PTPN14: variants seen among roughly 807,000 people sequenced by gnomAD.
PTPN14 encodes protein tyrosine phosphatase non-receptor type 14.
PTPN14 carries 53 observed loss-of-function variants against 126.8 expected under a neutral mutation model. The observed-to-expected ratio is 0.42, with a 90% CI of 0.34 to 0.53. The LOEUF is 0.53. PTPN14 is among the 20% of genes least tolerant of loss of function. The probability of loss-of-function intolerance (pLI) is 0.08; values close to 1 mark genes in which losing one functional copy is unlikely to be tolerated. For missense variants in PTPN14, 1,257 were observed against 1,552.9 expected (o/e 0.81, Z 3.20); for synonymous variants, 630 against 599.3 (o/e 1.05, Z -0.75).
intron 1 of PTPN14, among the ~76,000 whole-genome samples, chr1:214,526,243 G>C (rs1414988000): frequency 1.3e-5 from 2 of 152,164 alleles, no homozygotes; most frequent in Non-Finnish European, 2.9e-5. Context: ...TGGGATTACA[G>C]GCGTGAGCCA....
At chr1:214,532,289 T>C in intron 1 of PTPN14, 1 of 478,596 alleles carries the variant, frequency 2.1e-6, no homozygotes, top group Non-Finnish European at 3.9e-6. Context: ...CCAGAGCCTA[T>C]GCACGTGCCA....
At chr1:214,460,953 C>G (rs1660496835) in intron 2 of PTPN14, among the ~76,000 whole-genome samples, 1 of 151,904 alleles carries the variant, frequency 6.6e-6, no homozygotes, top group African/African-American at 2.4e-5. Context: ...ACTCCGGACT[C>G]TGCATGATAA....
At chr1:214,496,630 C>G (rs888862658) in intron 1 of PTPN14, among the ~76,000 whole-genome samples, 2 of 152,152 alleles carry the variant, frequency 1.3e-5, no homozygotes, top group Non-Finnish European at 2.9e-5. Flanking sequence ...TTAAACACTC[C>G]TTACCCCCTA....
At chr1:214,397,543 A>C (rs1658908806) in intron 8 of PTPN14, among the ~76,000 whole-genome samples, 1 of 152,236 alleles carries the variant, frequency 6.6e-6, no homozygotes. Context: ...AAAACTAATC[A>C]CCTTTTGTTC....
intron 6 of PTPN14, among the ~76,000 whole-genome samples, chr1:214,401,999 A>C (rs1359957322): frequency 6.6e-6 from 1 of 152,198 alleles, no homozygotes; most frequent in African/African-American, 2.4e-5. Flanking sequence ...GTATTTAATT[A>C]AGAGCCACAG....
intron 1 of PTPN14, among the ~76,000 whole-genome samples, chr1:214,520,065 A>AAAAAAAAAAAAAAAAT: frequency 1.3e-4 from 9 of 71,102 alleles, no homozygotes; most frequent in Admixed American, 3.2e-4. Context: ...AAAAAAAAAA[A>AAAAAAAAAAAAAAAAT]ATATATATAT....
chr1:214,492,978 T>C (rs1469092285), intron 1 of PTPN14, among the ~76,000 whole-genome samples: 1 of 151,880 alleles, frequency 6.6e-6, no homozygotes. Context: ...AAGGTGCCAT[T>C]AAGGAAACTG....
At chr1:214,451,159 T>C (rs571457619) in intron 3 of PTPN14, among the ~76,000 whole-genome samples, 2,291 of 53,300 alleles carry the variant, frequency 0.043, 57 homozygotes, top group African/African-American at 0.15. Flanking sequence ...TTTGTTTTTG[T>C]TGTTTTTGTT....
intron 3 of PTPN14, among the ~76,000 whole-genome samples, chr1:214,447,728 T>C (rs1660178844): frequency 1.3e-5 from 2 of 152,226 alleles, no homozygotes; most frequent in Non-Finnish European, 2.9e-5. Flanking sequence ...GACAAAATGT[T>C]GCATGCTAAT....
At chr1:214,387,761 GT>G (rs969974336) in intron 11 of PTPN14, among the ~76,000 whole-genome samples, 1 of 152,052 alleles carries the variant, frequency 6.6e-6, no homozygotes, top group Non-Finnish European at 1.5e-5. Context: ...GGGGACACCT[GT>G]TTTGTTCTCA....
chr1:214,409,038 TG>T (rs1659236974), intron 5 of PTPN14, among the ~76,000 whole-genome samples: 1 of 152,260 alleles, frequency 6.6e-6, no homozygotes, highest in South Asian at 2.1e-4. Flanking sequence ...GTATATATTG[TG>T]GAATTGGCAA....
intron 13 of PTPN14, among the ~76,000 whole-genome samples, chr1:214,381,858 G>A (rs1223259637): frequency 6.6e-6 from 1 of 152,152 alleles, no homozygotes; most frequent in Non-Finnish European, 1.5e-5. Context: ...CTAGTTAATA[G>A]GTTTTTTTTA....
intron 16 of PTPN14, among the ~76,000 whole-genome samples, chr1:214,371,491 T>C (rs1658217482): frequency 1.3e-5 from 2 of 152,168 alleles, no homozygotes; most frequent in Admixed American, 1.3e-4. Flanking sequence ...CTCTGGACTA[T>C]AGTTTTCCAT....
intron 12 of PTPN14, among the ~76,000 whole-genome samples, chr1:214,385,492 C>T (rs192163156): frequency 8.9e-5 from 12 of 135,052 alleles, no homozygotes; most frequent in Admixed American, 4.9e-4. Context: ...TACAATCAGG[C>T]CCAACCTGAT....
At chr1:214,451,139 GGTTTTTGTTTTTGTTTTTGTT>G (rs1052639567) in intron 3 of PTPN14, among the ~76,000 whole-genome samples, 38 of 144,268 alleles carry the variant, frequency 2.6e-4, no homozygotes, top group Non-Finnish European at 5.0e-4. Context: ...AACAGAATTA[GGTTTTTGTTTTTGTTTTTGTT>G]GTTTTTGTTT....
intron 17 of PTPN14, among the ~76,000 whole-genome samples, chr1:214,366,742 C>A (rs1658089418): frequency 6.6e-6 from 1 of 152,128 alleles, no homozygotes; most frequent in Admixed American, 6.5e-5. Flanking sequence ...CGCGGTGGCT[C>A]ACGCTTGTAA....
chr1:214,532,427 G>T, intron 1 of PTPN14: 2 of 754,934 alleles, frequency 2.6e-6, no homozygotes, highest in South Asian at 2.8e-5. Flanking sequence ...ACGAGAAGGA[G>T]ACCATGCAAA....
rs374772330 is a variant in PTPN14, at chr1:214,384,586, G to A, written c.1269C>T (p.Ala423=). ...TGTGCCGGTGGCTCGGGATGTAGTC[G>A]GCCCGCATGATGTCACTCCCAGGGA... ...LSIPGSDIMR[A]DYIPSHRHSA... is the part of the protein sequence containing the mutation. Residue 423 remains alanine (A), a synonymous_variant, in exon 13 of 19, where the codon GCC becomes GCT. Transcript: ENST00000366956. The surrounding 1 kb of genome is among the most constrained non-coding windows in gnomAD (Gnocchi z 5.3). 49 of 1,613,938 alleles carry A rather than the reference G, an allele frequency of 3.0e-5. No individual in the cohort carries two copies. Among genetic ancestry groups the A allele is most frequent in the Non-Finnish European group, 3.8e-5 (45 of 1,180,020 alleles).
chr1:214,391,849 G>C (rs531827498), intron 10 of PTPN14, among the ~76,000 whole-genome samples: 1 of 152,130 alleles, frequency 6.6e-6, no homozygotes, highest in South Asian at 2.1e-4. Context: ...AGGTAATATA[G>C]CAATGGTGGA....
Sources: allele counts gnomAD v4.1 joint callset (sites outside exome capture counted in the v4.1 genomes callset), GRCh38; gene constraint gnomAD v4.1.1; non-coding constraint Gnocchi (gnomAD v3.1); transcripts MANE v1.5; gene names NCBI Gene and HGNC (gene_info 2026-07-23, HGNC 2026-07-21).